The following GMEB2 variants were observed in gnomAD, a reference collection of about 807,000 sequenced individuals.
GMEB2 encodes glucocorticoid modulatory element-binding protein 2.
A neutral mutation model predicts 45.7 loss-of-function variants in GMEB2; 7 were observed. The ratio of observed to expected loss-of-function variants is 0.15; its 90% CI spans 0.09 to 0.29. The LOEUF (loss-of-function observed/expected upper bound fraction) is 0.29, where lower values mean the gene tolerates loss of function less well. Among genes scored for constraint, GMEB2 ranks in the 10% least tolerant of loss-of-function variants. The pLI is 1.00. For missense variants in GMEB2, 582 were observed against 739.2 expected, an observed-to-expected ratio of 0.79 and a Z score of 2.47; for synonymous variants, 322 against 323.6, an observed-to-expected ratio of 1.00 and a Z score of 0.05.
chr20:63,626,768 C>T (rs2089677690), intron 1 of GMEB2, among the ~76,000 whole-genome samples, 188 bp downstream of exon 1: 1 of 146,882 alleles, frequency 6.8e-6, no homozygotes, highest in Non-Finnish European at 1.5e-5. Context: ...CGCCACCGCC[C>T]GCGCCGCCCG....
At chr20:63,591,653 TG>T (rs2083148294) in intron 9 of GMEB2, among the ~76,000 whole-genome samples, 1 of 152,078 alleles carries the variant, frequency 6.6e-6, no homozygotes, top group African/African-American at 2.4e-5. Flanking sequence ...TCAGCAGAGA[TG>T]GGGTTTCACC....
intron 9 of GMEB2, 101 bp downstream of exon 9, chr20:63,591,921 T>C (rs2083150213): frequency 2.9e-6 from 3 of 1,046,260 alleles, no homozygotes; most frequent in Non-Finnish European, 1.4e-6. Context: ...TGGCGGTGAC[T>C]CCAGGAAGTG....
chr20:63,611,081 T>C (rs2089566393), intron 2 of GMEB2, among the ~76,000 whole-genome samples: 2 of 152,174 alleles, frequency 1.3e-5, no homozygotes, highest in South Asian at 4.1e-4. Context: ...TGTCTGCTGC[T>C]TTAAGCCACC....
At chr20:63,621,097 C>T (rs1358047160) in intron 1 of GMEB2, among the ~76,000 whole-genome samples, 1 of 152,118 alleles carries the variant, frequency 6.6e-6, no homozygotes, top group African/African-American at 2.4e-5. Flanking sequence ...ACTCGGAAGG[C>T]GGGGCTGGAG....
At chr20:63,607,307 C>T (rs1689271287) in intron 2 of GMEB2, among the ~76,000 whole-genome samples, 1 of 121,216 alleles carries the variant, frequency 8.2e-6, no homozygotes, top group Admixed American at 8.1e-5. Flanking sequence ...CTGACCCACA[C>T]CTCCATTTCT....
intron 1 of GMEB2, among the ~76,000 whole-genome samples, chr20:63,626,300 G>A (rs2089671774): frequency 6.7e-6 from 1 of 150,106 alleles, no homozygotes; most frequent in African/African-American, 2.5e-5. Context: ...TGCCTGCGGG[G>A]TGGTCCCTAT....
chr20:63,612,768 G>C (rs2089580266), intron 2 of GMEB2, among the ~76,000 whole-genome samples: 1 of 152,024 alleles, frequency 6.6e-6, no homozygotes, highest in Non-Finnish European at 1.5e-5. Context: ...CTGTGCCTCA[G>C]ACTGCCTCCC....
chr20:63,617,629 T>A lies in GMEB2; in HGVS notation c.131+1638A>T, dbSNP rs908804768. Among the ~76,000 whole-genome samples the A allele has an allele frequency of 5.3e-5, 8 of 149,982 alleles. No homozygotes were observed. The East Asian group carries it at 1.4e-3, about 26-fold the overall frequency. On this transcript the variant is annotated intron_variant, in intron 2 of 9. Transcript: ENST00000370077. ...CCACGGAGTCACGGCTCGGGTGAGG[T>A]GACCTGGACACCATCCCGGCAGCCG...
chr20:63,618,664 C>G (rs992202530), intron 2 of GMEB2, among the ~76,000 whole-genome samples: 7 of 152,146 alleles, frequency 4.6e-5, no homozygotes, highest in Non-Finnish European at 1.0e-4. Flanking sequence ...ACCAGAGCCC[C>G]AGAGCCCTCT....
At chr20:63,598,592 G>A (rs1387410770) in intron 4 of GMEB2, among the ~76,000 whole-genome samples, 3 of 152,146 alleles carry the variant, frequency 2.0e-5, no homozygotes, top group African/African-American at 4.8e-5. Context: ...GCCCGAGTAC[G>A]GGGGCCGCCT....
chr20:63,616,808 A>C (rs2089611798), intron 2 of GMEB2, among the ~76,000 whole-genome samples: 1 of 152,220 alleles, frequency 6.6e-6, no homozygotes, highest in Non-Finnish European at 1.5e-5. Context: ...TGCCTACAGG[A>C]CCCTGAGAGC....
chr20:63,598,322 A>C (rs1052161073), intron 4 of GMEB2, among the ~76,000 whole-genome samples: 1 of 146,864 alleles, frequency 6.8e-6, no homozygotes, highest in Non-Finnish European at 1.5e-5. Context: ...TGCAGCAAAC[A>C]CCGGCACCTG....
intron 4 of GMEB2, among the ~76,000 whole-genome samples, chr20:63,598,611 G>T (rs538428656): frequency 1.3e-5 from 2 of 152,130 alleles, no homozygotes; most frequent in Non-Finnish European, 2.9e-5. Context: ...CTCCACCCCC[G>T]GGCCGTGCCC....
chr20:63,600,255 C>T (rs1368105250), intron 4 of GMEB2, among the ~76,000 whole-genome samples: 10 of 151,308 alleles, frequency 6.6e-5, no homozygotes, highest in African/African-American at 1.7e-4. Flanking sequence ...ATGTTGGCTG[C>T]GCTGGTCTCG....
chr20:63,624,710 CAT>C (rs2089659682), intron 1 of GMEB2, among the ~76,000 whole-genome samples: 1 of 152,092 alleles, frequency 6.6e-6, no homozygotes, highest in Non-Finnish European at 1.5e-5. Context: ...TGCATACATA[CAT>C]ATATTCTTTT....
rs531006690 is a variant in GMEB2, at chr20:63,625,942, C to A, written c.-58+1014G>T. 5.3e-5 allele frequency among the ~76,000 whole-genome samples: 8 copies of A among 152,312 alleles called. No individual in the cohort carries two copies. In the East Asian group the frequency reaches 1.5e-3, roughly 29 times the overall value. On this transcript the variant is annotated intron_variant, in intron 1 of 9. Coordinates refer to ENST00000370077, the MANE Select transcript of GMEB2 (RefSeq NM_012384.5). ...GTATTCTTGACCGGCACGGTCAACA[C>A]TGATGTAATTGAAACTGTTGTATTT...
intron 2 of GMEB2, among the ~76,000 whole-genome samples, chr20:63,606,348 A>ATT (rs34155777): frequency 0.17 from 23,606 of 139,586 alleles, 2,932 homozygotes; most frequent in East Asian, 0.48. Context: ...ACCACAAACA[A>ATT]TTTTTTTTTT....
intron 1 of GMEB2, among the ~76,000 whole-genome samples, chr20:63,624,489 G>A (rs558678423): frequency 1.3e-5 from 2 of 151,980 alleles, no homozygotes; most frequent in Admixed American, 1.3e-4. Context: ...CTGATCTCCC[G>A]TGCTGACTTC....
chr20:63,612,457 C>T (rs2777939), intron 2 of GMEB2, among the ~76,000 whole-genome samples: 116,997 of 152,092 alleles, frequency 0.77, 46,058 homozygotes, highest in Non-Finnish European at 0.88. Flanking sequence ...CCAGACCCGA[C>T]GTGGCCACAA....
Sources: gnomAD v4.1 joint callset for allele counts (sites outside exome capture counted in the v4.1 genomes callset) on GRCh38, gnomAD v4.1.1 for gene constraint, MANE v1.5 for transcripts, NCBI Gene and HGNC (gene_info 2026-07-23, HGNC 2026-07-21) for gene names.